The following SORCS1 variants were observed in gnomAD, a reference collection of about 807,000 sequenced individuals.
The protein encoded by SORCS1 is sortilin related VPS10 domain containing receptor 1.
A neutral mutation model predicts 146.1 loss-of-function variants in SORCS1; 60 were observed. That is an observed-to-expected ratio of 0.41 (90% CI 0.33 to 0.51). The LOEUF is 0.51. Among genes scored for constraint, SORCS1 ranks in the 20% least tolerant of loss-of-function variants. The pLI, the probability that SORCS1 is intolerant of heterozygous loss-of-function variation, is 0.21. For synonymous variants in SORCS1, 637 were observed against 584.0 expected, an observed-to-expected ratio of 1.09 and a Z score of -1.31; for missense variants, 1,352 against 1,487.6, an observed-to-expected ratio of 0.91 and a Z score of 1.50.
At chr10:107,086,211 T>C (rs1200925579) in intron 1 of SORCS1, among the ~76,000 whole-genome samples, 8 of 152,166 alleles carry the variant, frequency 5.3e-5, no homozygotes, top group Non-Finnish European at 1.0e-4. Flanking sequence ...CATTGTATAT[T>C]ATAGTAAAAC....
chr10:107,114,731 C>T (rs1171650397), intron 1 of SORCS1, among the ~76,000 whole-genome samples: 2 of 152,012 alleles, frequency 1.3e-5, no homozygotes, highest in Non-Finnish European at 2.9e-5. Flanking sequence ...TTCTACTCAA[C>T]ATAGTAATGG....
At chr10:106,636,134 A>G (rs1848708799) in intron 18 of SORCS1, among the ~76,000 whole-genome samples, 1 of 152,108 alleles carries the variant, frequency 6.6e-6, no homozygotes, top group Admixed American at 6.5e-5. Context: ...GTGGCTCATG[A>G]CTATAGTCTC....
At chr10:106,926,877 AGAGAGAGAG>A (rs1564818681) in intron 2 of SORCS1, among the ~76,000 whole-genome samples, 139 of 149,426 alleles carry the variant, frequency 9.3e-4, no homozygotes, top group African/African-American at 2.1e-3. Flanking sequence ...AGAGAGAGAG[AGAGAGAGAG>A]AGAGAGAGAG....
chr10:107,168,689 T>G (rs956632306), upstream of SORCS1, among the ~76,000 whole-genome samples: 1 of 112,236 alleles, frequency 8.9e-6, no homozygotes, highest in South Asian at 2.7e-4. Context: ...TTTTTTTTTT[T>G]ACAAAGCTTA....
At chr10:106,985,477 G>C (rs1300573046) in intron 1 of SORCS1, among the ~76,000 whole-genome samples, 2 of 151,828 alleles carry the variant, frequency 1.3e-5, no homozygotes, top group Non-Finnish European at 2.9e-5. Context: ...AATGTCTACA[G>C]AGTGTCAGCT....
chr10:107,129,748 G>A (rs899196619), intron 1 of SORCS1, among the ~76,000 whole-genome samples: 10 of 152,072 alleles, frequency 6.6e-5, no homozygotes, highest in African/African-American at 2.4e-4. Context: ...CTTTCTCAGT[G>A]CCCCTAATAA....
At chr10:107,118,008 T>C (rs2134512133) in intron 1 of SORCS1, among the ~76,000 whole-genome samples, 1 of 152,252 alleles carries the variant, frequency 6.6e-6, no homozygotes, top group South Asian at 2.1e-4. Flanking sequence ...CGAGGGGCTA[T>C]GGACAGAATG....
At chr10:106,998,184 C>T (rs1171576940) in intron 1 of SORCS1, among the ~76,000 whole-genome samples, 1 of 152,222 alleles carries the variant, frequency 6.6e-6, no homozygotes, top group Non-Finnish European at 1.5e-5. Flanking sequence ...TCGTTGGCCT[C>T]TTATTTAAAA....
chr10:106,761,743 A>T, intron 4 of SORCS1, 82 bp from the exon 5 acceptor site: 2 of 1,136,396 alleles, frequency 1.8e-6, no homozygotes, highest in Admixed American at 3.5e-5. Context: ...ATCAATAGTA[A>T]TAATAATAAT....
intron 1 of SORCS1, among the ~76,000 whole-genome samples, chr10:107,135,614 T>A (rs1330452011): frequency 6.6e-6 from 1 of 152,212 alleles, no homozygotes; most frequent in Non-Finnish European, 1.5e-5. Context: ...GAATATACAT[T>A]GGAAGTTTCC....
intron 18 of SORCS1, among the ~76,000 whole-genome samples, chr10:106,650,861 C>G (rs565049043): frequency 4.7e-4 from 71 of 152,156 alleles, no homozygotes; most frequent in Middle Eastern, 3.4e-3. Flanking sequence ...CCTCCTTTTC[C>G]TCCTCTTCAT....
chr10:107,158,487 C>G (rs10884423), intron 1 of SORCS1, among the ~76,000 whole-genome samples: 19,700 of 152,170 alleles, frequency 0.13, 1,579 homozygotes, highest in African/African-American at 0.24. Flanking sequence ...TTCAAGGTTT[C>G]TCTGAAGTAC....
In SORCS1 at chr10:106,612,147, G is replaced by A. The variant is rs958819115; in HGVS notation, c.2921-124C>T. 6 of 663,150 alleles carry A rather than the reference G, an allele frequency of 9.0e-6. No individual in the cohort carries two copies. The East Asian group carries it at 1.1e-4, about 12-fold the overall frequency. The allele number at this position is 663,150 out of a possible 1,614,324, so 41.1% of individuals were successfully genotyped here. A position where few individuals can be genotyped will look rare whatever the true frequency, so the allele number is the denominator to read the frequency against. ...TTCACTTACCATAGGGACCTTTTTA[G>A]AAGGCAAGCCACTACCCTGTGAATA... On this transcript the variant is annotated intron_variant, in intron 21 of 25. Transcript: ENST00000263054.
At chr10:107,135,373 A>T (rs1967199693) in intron 1 of SORCS1, among the ~76,000 whole-genome samples, 1 of 152,252 alleles carries the variant, frequency 6.6e-6, no homozygotes, top group Non-Finnish European at 1.5e-5. Flanking sequence ...AAAATGGCTG[A>T]TATCCTCTTC....
intron 2 of SORCS1, among the ~76,000 whole-genome samples, chr10:106,942,674 C>G (rs1589755640): frequency 6.6e-6 from 1 of 152,270 alleles, no homozygotes; most frequent in South Asian, 2.1e-4. Context: ...TCCTGGCATC[C>G]TTGCCTCCTC....
In SORCS1 at chr10:106,894,259, G is replaced by A. The variant is rs537421234; in HGVS notation, c.626+62254C>T. 1.1e-3 allele frequency among the ~76,000 whole-genome samples: 150 copies of A among 139,646 alleles called. 1 individual carries two copies. Among genetic ancestry groups the A allele is most frequent in the African/African-American group, 3.4e-3 (122 of 36,340 alleles). 91.6% of individuals were successfully genotyped at this position (139,646 alleles called of 152,430 possible). A position where few individuals can be genotyped will look rare whatever the true frequency, so the allele number is the denominator to read the frequency against. On this transcript the variant is annotated intron_variant, in intron 2 of 25. Coordinates refer to ENST00000263054, the MANE Select transcript of SORCS1 (RefSeq NM_052918.5). ...TGCATGTGTGTGTGTGTGTGCGCGC[G>A]CGCACGTGTGCGTGTGTGTGTGTGT... is the stretch of plus-strand genomic sequence containing the variant.
At chr10:106,728,247 G>C (rs1856347029) in intron 6 of SORCS1, among the ~76,000 whole-genome samples, 2 of 152,104 alleles carry the variant, frequency 1.3e-5, no homozygotes, top group African/African-American at 2.4e-5. Flanking sequence ...GGCCAGGATG[G>C]TCTCTATCTC....
At chr10:106,931,632 G>A (rs1172432971) in intron 2 of SORCS1, among the ~76,000 whole-genome samples, 2 of 152,214 alleles carry the variant, frequency 1.3e-5, no homozygotes, top group Admixed American at 6.5e-5. Context: ...GCCCCCTGCA[G>A]TTTTCAGAGA....
At chr10:107,120,464 T>A (rs1418952256) in intron 1 of SORCS1, among the ~76,000 whole-genome samples, 4 of 152,194 alleles carry the variant, frequency 2.6e-5, no homozygotes, top group African/African-American at 7.2e-5. Flanking sequence ...TGATTTAGAC[T>A]AGAAAATTCA....
Sources: gnomAD v4.1 joint callset for allele counts (sites outside exome capture counted in the v4.1 genomes callset) on GRCh38, gnomAD v4.1.1 for gene constraint, MANE v1.5 for transcripts, NCBI Gene and HGNC (gene_info 2026-07-23, HGNC 2026-07-21) for gene names.